Variants in DAAM1 observed in about 807,000 individuals in gnomAD.
DAAM1 encodes the protein dishevelled associated activator of morphogenesis 1.
In DAAM1, 52 loss-of-function variants were observed where a neutral mutation model predicts 130.0. That is an observed-to-expected ratio of 0.40 (90% CI 0.32 to 0.50). The LOEUF (loss-of-function observed/expected upper bound fraction) is 0.50. DAAM1 is among the 20% of genes least tolerant of loss of function. The pLI, the probability that DAAM1 is intolerant of heterozygous loss-of-function variation, is 0.61. For missense variants in DAAM1, 1,134 were observed against 1,303.8 expected, an observed-to-expected ratio of 0.87 and a Z score of 2.01; for synonymous variants, 452 against 444.5, an observed-to-expected ratio of 1.02 and a Z score of -0.21.
intron 2 of DAAM1, among the ~76,000 whole-genome samples, chr14:59,287,472 TAAGAG>T (rs1467025169): frequency 6.6e-6 from 1 of 152,096 alleles, no homozygotes; most frequent in Non-Finnish European, 1.5e-5. Flanking sequence ...GGCTTCAAAA[TAAGAG>T]AGGAAGTCAA....
chr14:59,210,203 C>T (rs1198684044), intron 1 of DAAM1, among the ~76,000 whole-genome samples: 1 of 152,152 alleles, frequency 6.6e-6, no homozygotes, highest in Non-Finnish European at 1.5e-5. Flanking sequence ...TGCAAATTGA[C>T]GCTCTTGACA....
At chr14:59,241,526 T>C (rs965000454) in intron 1 of DAAM1, among the ~76,000 whole-genome samples, 2 of 152,248 alleles carry the variant, frequency 1.3e-5, no homozygotes, top group Non-Finnish European at 2.9e-5. Context: ...TGGTGCATGC[T>C]AGTATAAACA....
At chr14:59,192,404 G>C (rs1887761013) in intron 1 of DAAM1, among the ~76,000 whole-genome samples, 2 of 152,172 alleles carry the variant, frequency 1.3e-5, no homozygotes, top group Non-Finnish European at 1.5e-5. Context: ...TTCCAACAAA[G>C]CTTGGTATCC....
At chr14:59,321,790 G>T (rs553013139) in intron 5 of DAAM1, among the ~76,000 whole-genome samples, 1 of 152,292 alleles carries the variant, frequency 6.6e-6, no homozygotes, top group South Asian at 2.1e-4. Context: ...CAGAGATCTA[G>T]ACTATCCTAA....
chr14:59,292,566 A>T (rs527329557), intron 3 of DAAM1, among the ~76,000 whole-genome samples: 1 of 152,330 alleles, frequency 6.6e-6, no homozygotes, highest in African/African-American at 2.4e-5. Context: ...CCAGCATCTG[A>T]TACTTTGAAA....
intron 3 of DAAM1, among the ~76,000 whole-genome samples, chr14:59,302,559 G>A (rs937745176): frequency 3.3e-5 from 5 of 152,202 alleles, no homozygotes; most frequent in African/African-American, 4.8e-5. Flanking sequence ...CCCTGGAGGA[G>A]ACTTGGAACA....
intron 17 of DAAM1, among the ~76,000 whole-genome samples, chr14:59,350,200 C>T (rs1316695538): frequency 6.6e-6 from 1 of 152,142 alleles, no homozygotes; most frequent in Non-Finnish European, 1.5e-5. Context: ...TCCCCCACTT[C>T]CGTCCCATTA....
At chr14:59,365,605 GTTTT>G (rs1886884569) in intron 23 of DAAM1, among the ~76,000 whole-genome samples, 2 of 152,078 alleles carry the variant, frequency 1.3e-5, no homozygotes, top group African/African-American at 4.8e-5. Flanking sequence ...GCCAATACTT[GTTTT>G]ATTTAAAAAT....
At chr14:59,249,606 A>AT (rs1183510147) in intron 1 of DAAM1, among the ~76,000 whole-genome samples, 1 of 152,216 alleles carries the variant, frequency 6.6e-6, no homozygotes, top group Non-Finnish European at 1.5e-5. Context: ...ATTTCATAAT[A>AT]TTTCTTGATA....
chr14:59,233,546 A>T (rs527873258), intron 1 of DAAM1, among the ~76,000 whole-genome samples: 1 of 152,156 alleles, frequency 6.6e-6, no homozygotes, highest in African/African-American at 2.4e-5. Context: ...ACCTTTGTCA[A>T]ATGGGTAGAT....
chr14:59,320,526 G>A lies in DAAM1; in HGVS notation c.382G>A (p.Glu128Lys). 1.9e-6 allele frequency: 3 copies of A among 1,605,854 alleles called. No individual in the cohort carries two copies. Among genetic ancestry groups the A allele is most frequent in the Non-Finnish European group, 2.5e-6 (3 of 1,177,456 alleles). The change falls in exon 5 of 25, where the codon GAA becomes AAA. Residue 128 changes from glutamate to lysine, a missense_variant. Transcript: ENST00000360909. ...SLLALEKEEE[E>K]ERSKTIESLK... ...GCTGGCTTTAGAGAAGGAAGAAGAA[G>A]AAGAAAGAAGTAAAACTATAGAGAG...
At chr14:59,276,020 G>C (rs1882951050) in intron 2 of DAAM1, among the ~76,000 whole-genome samples, 1 of 152,152 alleles carries the variant, frequency 6.6e-6, no homozygotes, top group African/African-American at 2.4e-5. Context: ...TTCCATTTAT[G>C]TTTTTCCTGA....
intron 1 of DAAM1, among the ~76,000 whole-genome samples, chr14:59,206,846 G>T (rs1888277258): frequency 6.6e-6 from 1 of 152,152 alleles, no homozygotes; most frequent in African/African-American, 2.4e-5. Flanking sequence ...TCTTGACTGG[G>T]TTTGTTTTGT....
In DAAM1 at chr14:59,256,764, C is replaced by T. The variant is rs545663660; in HGVS notation, c.-37-6677C>T. Among the ~76,000 whole-genome samples the T allele has an allele frequency of 3.2e-4, 48 of 152,304 alleles. 2 individuals carry two copies. The South Asian group carries it at 1.0e-2, about 32-fold the overall frequency. On this transcript the variant is annotated intron_variant, in intron 1 of 24. Coordinates refer to ENST00000360909, the MANE Select transcript of DAAM1 (RefSeq NM_001270520.2). ...TCGGACAGGAAAAGGACCAACTCCC[C>T]TCCCTGCTGTATGTCTGCACTAGAC...
rs146902310 is a variant in DAAM1 at position 59,244,920 on chromosome 14, A to T, written c.-37-18521A>T. On this transcript the variant is annotated intron_variant, in intron 1 of 24. Transcript: ENST00000360909. Reference sequence around the variant, plus strand: ...GGCTAGTAGCCAGGTTAGCAAGAACATTTGTCACAGCTCTGCTTGCTGGTG... The same window carrying T: ...GGCTAGTAGCCAGGTTAGCAAGAACTTTTGTCACAGCTCTGCTTGCTGGTG... Among the ~76,000 whole-genome samples the T allele has an allele frequency of 3.4e-3, 511 of 152,278 alleles. 3 individuals carry two copies. Among genetic ancestry groups the T allele is most frequent in the African/African-American group, 0.011 (453 of 41,560 alleles).
intron 12 of DAAM1, among the ~76,000 whole-genome samples, chr14:59,328,870 G>T (rs1391113982): frequency 6.6e-6 from 1 of 152,168 alleles, no homozygotes; most frequent in East Asian, 1.9e-4. Context: ...AAAGATTATA[G>T]TTAAATGTTA....
At chr14:59,366,472 A>G (rs139016273) in intron 23 of DAAM1, among the ~76,000 whole-genome samples, 1 of 152,316 alleles carries the variant, frequency 6.6e-6, no homozygotes, top group East Asian at 1.9e-4. Flanking sequence ...AGTAAATGAT[A>G]TTAAACTACT....
intron 2 of DAAM1, among the ~76,000 whole-genome samples, chr14:59,279,622 A>G (rs1883123085): frequency 6.6e-6 from 1 of 152,242 alleles, no homozygotes; most frequent in Admixed American, 6.5e-5. Context: ...CATAGAAGCT[A>G]AAACTAAAAC....
intron 3 of DAAM1, among the ~76,000 whole-genome samples, chr14:59,308,004 C>G (rs1203695323): frequency 6.6e-6 from 1 of 152,096 alleles, no homozygotes; most frequent in Non-Finnish European, 1.5e-5. Context: ...AAGGACTAAA[C>G]AAGTTTCCCT....
Sources: allele counts gnomAD v4.1 joint callset (sites outside exome capture counted in the v4.1 genomes callset), GRCh38; gene constraint gnomAD v4.1.1; transcripts MANE v1.5; gene names NCBI Gene and HGNC (gene_info 2026-07-23, HGNC 2026-07-21).